CSTPP1: variants seen among roughly 807,000 people sequenced by gnomAD.
CSTPP1 encodes the protein UPF0705 protein C11orf49.
At chr11:47,128,914 G>T in the CSTPP1 span, among the ~76,000 whole-genome samples, 1 of 151,944 alleles carries the variant, frequency 6.6e-6, no homozygotes, top group African/African-American at 2.4e-5. Context: ...CCTTCATTCT[G>T]GCTTTAAACA....
chr11:47,076,376 A>G, the CSTPP1 span, among the ~76,000 whole-genome samples: 1 of 152,228 alleles, frequency 6.6e-6, no homozygotes, highest in Admixed American at 6.5e-5. Context: ...TGAAATGACC[A>G]GGTTTCCGCC....
chr11:47,103,071 G>A, the CSTPP1 span, among the ~76,000 whole-genome samples: 2 of 151,316 alleles, frequency 1.3e-5, no homozygotes, highest in African/African-American at 4.9e-5. Context: ...CCCAAAGGCA[G>A]GAAGGGAATA....
the CSTPP1 span, chr11:47,052,539 T>TTTCC: frequency 8.1e-3 from 12,960 of 1,608,000 alleles, 577 homozygotes; most frequent in African/African-American, 0.13. Context: ...CCAAATTCTT[T>TTTCC]TTCCTTCCTT....
At chr11:46,971,330 C>T in the CSTPP1 span, among the ~76,000 whole-genome samples, 1 of 152,170 alleles carries the variant, frequency 6.6e-6, no homozygotes, top group Non-Finnish European at 1.5e-5. Flanking sequence ...TTAGTTAAAA[C>T]ACAGAACTTT....
chr11:46,936,834 C>G, the CSTPP1 span: 1 of 1,601,834 alleles, frequency 6.2e-7, no homozygotes, highest in Non-Finnish European at 8.5e-7. Flanking sequence ...CTAGCCCTAC[C>G]GGACTACGAG....
the CSTPP1 span, among the ~76,000 whole-genome samples, chr11:47,097,097 G>C: frequency 2.1e-5 from 3 of 142,300 alleles, no homozygotes; most frequent in African/African-American, 7.5e-5. Context: ...CCGGGAGGGA[G>C]GTAGGGGGGT....
At chr11:47,035,379 A>C in the CSTPP1 span, among the ~76,000 whole-genome samples, 1 of 152,238 alleles carries the variant, frequency 6.6e-6, no homozygotes, top group East Asian at 1.9e-4. Flanking sequence ...AACACGATGA[A>C]AAATACATGA....
the CSTPP1 span, among the ~76,000 whole-genome samples, chr11:47,059,218 A>C: frequency 6.6e-6 from 1 of 152,138 alleles, no homozygotes; most frequent in Non-Finnish European, 1.5e-5. Flanking sequence ...AAGGAAGGGA[A>C]GTTAGAGGGC....
At chr11:46,986,745 G>A in the CSTPP1 span, among the ~76,000 whole-genome samples, 11 of 152,136 alleles carry the variant, frequency 7.2e-5, no homozygotes, top group African/African-American at 2.7e-4. Context: ...TGGGATTACA[G>A]GCCTGAGCCA....
the CSTPP1 span, among the ~76,000 whole-genome samples, chr11:47,051,318 G>A: frequency 0.011 from 1,646 of 152,144 alleles, 27 homozygotes; most frequent in African/African-American, 0.037. Context: ...CCTATTCTTC[G>A]GTGGAATTTC....
At chr11:47,056,289 G>C in the CSTPP1 span, among the ~76,000 whole-genome samples, 4 of 152,340 alleles carry the variant, frequency 2.6e-5, no homozygotes, top group South Asian at 6.2e-4. Context: ...TCAGCTGCAT[G>C]TTGAAGAATA....
chr11:47,161,787 C>CTGA, the CSTPP1 span: 1 of 1,417,586 alleles, frequency 7.1e-7, no homozygotes, highest in African/African-American at 1.4e-5. Context: ...CAGAGGGGCT[C>CTGA]TGATGATCAG....
At chr11:46,997,101 T>C in the CSTPP1 span, among the ~76,000 whole-genome samples, 1 of 152,222 alleles carries the variant, frequency 6.6e-6, no homozygotes, top group South Asian at 2.1e-4. Context: ...AATGTTGGCT[T>C]TCCTCGCTAG....
the CSTPP1 span, among the ~76,000 whole-genome samples, chr11:47,132,181 C>A: frequency 6.6e-6 from 1 of 152,190 alleles, no homozygotes; most frequent in East Asian, 1.9e-4. Context: ...CTCCTCATAC[C>A]CCTGTAATTT....
At chr11:47,028,972 G>A in the CSTPP1 span, among the ~76,000 whole-genome samples, 5 of 151,922 alleles carry the variant, frequency 3.3e-5, no homozygotes, top group East Asian at 9.7e-4. Flanking sequence ...CAAGTAGCTG[G>A]GACTACAGGC....
chr11:46,995,781 T>G, the CSTPP1 span, among the ~76,000 whole-genome samples: 1 of 152,226 alleles, frequency 6.6e-6, no homozygotes, highest in African/African-American at 2.4e-5. Flanking sequence ...GTTCTGTAGA[T>G]GTCTACTAGG....
the CSTPP1 span, among the ~76,000 whole-genome samples, chr11:47,065,976 G>GTTGTGTGTGTGTGT: frequency 3.3e-5 from 1 of 30,042 alleles, no homozygotes; most frequent in African/African-American, 1.6e-4. Context: ...AGGTCTAACA[G>GTTGTGTGTGTGTGT]TTGTGTGTGT....
chr11:47,092,860 T>G, the CSTPP1 span, among the ~76,000 whole-genome samples: 1 of 152,210 alleles, frequency 6.6e-6, no homozygotes, highest in Admixed American at 6.5e-5. Flanking sequence ...TGATACTGAC[T>G]TCTTTGTGTT....
At chr11:47,014,929 G>T in the CSTPP1 span, among the ~76,000 whole-genome samples, 3 of 152,066 alleles carry the variant, frequency 2.0e-5, no homozygotes, top group East Asian at 5.8e-4. Context: ...AGCCAAGCAG[G>T]TTCTTTGAGA....
Sources: gnomAD v4.1 joint callset for allele counts (sites outside exome capture counted in the v4.1 genomes callset) on GRCh38, gnomAD v4.1.1 for gene constraint, MANE v1.5 for transcripts, NCBI Gene and HGNC (gene_info 2026-07-23, HGNC 2026-07-21) for gene names.